The following MDGA2 variants were observed in gnomAD, a reference collection of about 807,000 sequenced individuals.
MDGA2 encodes the protein MAM domain-containing glycosylphosphatidylinositol anchor protein 2.
In MDGA2, 40 loss-of-function variants were observed where a neutral mutation model predicts 117.8. The ratio of observed to expected loss-of-function variants is 0.34; its 90% CI spans 0.26 to 0.44. The LOEUF is 0.44. Among genes scored for constraint, MDGA2 ranks in the 20% least tolerant of loss-of-function variants. MDGA2 has a pLI of 1.00. For synonymous variants in MDGA2, 452 were observed against 439.0 expected, an observed-to-expected ratio of 1.03 and a Z score of -0.37; for missense variants, 1,123 against 1,250.6, an observed-to-expected ratio of 0.90 and a Z score of 1.54.
At chr14:46,843,905 C>A (rs1341698537) in intron 16 of MDGA2, among the ~76,000 whole-genome samples, 1 of 151,880 alleles carries the variant, frequency 6.6e-6, no homozygotes, top group Non-Finnish European at 1.5e-5. Flanking sequence ...TATATATGAC[C>A]ACAAAATAAA....
intron 1 of MDGA2, among the ~76,000 whole-genome samples, chr14:47,522,326 T>G (rs1236067250): frequency 1.5e-5 from 2 of 130,552 alleles, no homozygotes; most frequent in Non-Finnish European, 1.6e-5. Context: ...TGTATATATT[T>G]GTGTATGTGT....
At chr14:47,128,739 G>A (rs1447500465) in intron 5 of MDGA2, among the ~76,000 whole-genome samples, 1 of 147,100 alleles carries the variant, frequency 6.8e-6, no homozygotes, top group Non-Finnish European at 1.5e-5. Flanking sequence ...CTGTCACCCA[G>A]GCTGGAGTGC....
chr14:47,366,795 C>T (rs1031200974), intron 1 of MDGA2, among the ~76,000 whole-genome samples: 3 of 150,544 alleles, frequency 2.0e-5, no homozygotes, highest in African/African-American at 7.4e-5. Flanking sequence ...ATTACATGAA[C>T]TTCAAGTCAC....
chr14:47,487,729 T>C (rs540139791), intron 1 of MDGA2, among the ~76,000 whole-genome samples: 3 of 152,304 alleles, frequency 2.0e-5, no homozygotes, highest in Admixed American at 6.5e-5. Context: ...GTAGCATACA[T>C]AGATAATGCA....
At chr14:46,927,408 A>G (rs1884373222) in intron 9 of MDGA2, among the ~76,000 whole-genome samples, 1 of 152,170 alleles carries the variant, frequency 6.6e-6, no homozygotes, top group African/African-American at 2.4e-5. Context: ...TGTTAAACAT[A>G]CAAGCAATAC....
At chr14:47,352,815 C>CAA (rs1890913417) in intron 1 of MDGA2, among the ~76,000 whole-genome samples, 1 of 152,118 alleles carries the variant, frequency 6.6e-6, no homozygotes, top group African/African-American at 2.4e-5. Context: ...CTTTACTTTA[C>CAA]AATGCTTCAT....
At chr14:47,619,143 ACACACACAGATAC>A (rs1006201565) in intron 1 of MDGA2, among the ~76,000 whole-genome samples, 18 of 133,266 alleles carry the variant, frequency 1.4e-4, no homozygotes, top group African/African-American at 4.5e-4. Flanking sequence ...ACACACACAC[ACACACACAGATAC>A]ATTATCTACA....
At chr14:47,384,025 T>TAGA (rs60630027) in intron 1 of MDGA2, among the ~76,000 whole-genome samples, 2,479 of 143,828 alleles carry the variant, frequency 0.017, 26 homozygotes, top group East Asian at 0.033. Context: ...AATAGATAGA[T>TAGA]TAGATAAAGA....
At chr14:47,378,084 T>C (rs1480658143) in intron 1 of MDGA2, among the ~76,000 whole-genome samples, 1 of 152,174 alleles carries the variant, frequency 6.6e-6, no homozygotes, top group African/African-American at 2.4e-5. Context: ...CTGCTGGTGA[T>C]ACCAGTCAAA....
At chr14:46,987,518 G>A (rs926425986) in intron 8 of MDGA2, among the ~76,000 whole-genome samples, 5 of 152,056 alleles carry the variant, frequency 3.3e-5, no homozygotes, top group African/African-American at 1.2e-4. Flanking sequence ...GAGTTTTTCT[G>A]AAGTCAGATG....
chr14:46,900,255 T>C (rs556214540), intron 10 of MDGA2, among the ~76,000 whole-genome samples: 2 of 152,284 alleles, frequency 1.3e-5, no homozygotes, highest in African/African-American at 2.4e-5. Flanking sequence ...CATATATTTC[T>C]AGTGGGAATG....
intron 8 of MDGA2, among the ~76,000 whole-genome samples, chr14:46,980,564 A>G (rs1220189069): frequency 6.6e-6 from 1 of 152,198 alleles, no homozygotes; most frequent in East Asian, 1.9e-4. Flanking sequence ...GCAAAATGCT[A>G]TCAAACATCA....
intron 6 of MDGA2, among the ~76,000 whole-genome samples, chr14:47,070,315 G>A (rs1034564875): frequency 2.0e-5 from 3 of 151,764 alleles, no homozygotes; most frequent in African/African-American, 7.3e-5. Context: ...GCATTTACAC[G>A]ACAAAACTTG....
At chr14:47,319,415 T>C (rs1192249633) in intron 1 of MDGA2, among the ~76,000 whole-genome samples, 3 of 152,176 alleles carry the variant, frequency 2.0e-5, no homozygotes, top group Non-Finnish European at 4.4e-5. Context: ...AGACCTTTAT[T>C]CATCTTAAAG....
Position 47,312,407 on chromosome 14 carries a change from T to C in MDGA2, c.281-10857A>G, listed in dbSNP as rs543434871. ...GCTTGCCATAGAGCAAGACCCTACT[T>C]TCAGTGGTAAAGAGAATATACTTCA... On this transcript the variant is annotated intron_variant, in intron 1 of 16. Transcript: ENST00000399232. Among the ~76,000 whole-genome samples the C allele has an allele frequency of 2.0e-5, 3 of 152,248 alleles. No homozygotes were observed. The South Asian group carries it at 6.2e-4, about 32-fold the overall frequency.
At chr14:47,289,016 A>G (rs1427671659) in intron 2 of MDGA2, among the ~76,000 whole-genome samples, 1 of 152,102 alleles carries the variant, frequency 6.6e-6, no homozygotes, top group Non-Finnish European at 1.5e-5. Context: ...CTGACGGCAT[A>G]TTCCTTAGCA....
intron 5 of MDGA2, among the ~76,000 whole-genome samples, chr14:47,102,464 C>T (rs1279782783): frequency 1.3e-5 from 2 of 151,780 alleles, no homozygotes; most frequent in Non-Finnish European, 2.9e-5. Context: ...TTAAAATGCT[C>T]AGGTAGGAAA....
At chr14:47,439,078 C>T (rs1241610601) in intron 1 of MDGA2, among the ~76,000 whole-genome samples, 2 of 151,998 alleles carry the variant, frequency 1.3e-5, no homozygotes, top group African/African-American at 4.8e-5. Context: ...TTTTGTCTTG[C>T]TCAGCATGCT....
intron 1 of MDGA2, 39 bp from the exon 2 acceptor site, chr14:47,301,589 AG>A (rs745581847): frequency 2.6e-6 from 4 of 1,549,918 alleles, no homozygotes; most frequent in Non-Finnish European, 3.5e-6. Flanking sequence ...ATACATGAAA[AG>A]GTAAGTCAGT....
Sources: gnomAD v4.1 joint callset for allele counts (sites outside exome capture counted in the v4.1 genomes callset) on GRCh38, gnomAD v4.1.1 for gene constraint, MANE v1.5 for transcripts, NCBI Gene and HGNC (gene_info 2026-07-23, HGNC 2026-07-21) for gene names.